Variants in ADGRL2 observed in about 807,000 individuals in gnomAD.
ADGRL2 encodes calcium-independent alpha-latrotoxin receptor 2.
A neutral mutation model predicts 157.4 loss-of-function variants in ADGRL2; 44 were observed. The ratio of observed to expected loss-of-function variants is 0.28; its 90% confidence interval spans 0.22 to 0.36. ADGRL2 has a LOEUF of 0.36. ADGRL2 is among the 10% of genes least tolerant of loss of function. The pLI, the probability that ADGRL2 is intolerant of heterozygous loss-of-function variation, is 1.00. For missense variants in ADGRL2, 1,510 were observed against 1,768.9 expected (o/e 0.85, Z 2.63); for synonymous variants, 585 against 624.7 (o/e 0.94, Z 0.95).
intron 3 of ADGRL2, among the ~76,000 whole-genome samples, chr1:81,582,161 G>T (rs915577907): frequency 6.6e-6 from 1 of 152,008 alleles, no homozygotes; most frequent in South Asian, 2.1e-4. Context: ...TGGAGCTTGC[G>T]GTGAGCCAAG....
In ADGRL2 at chr1:81,969,384, T is replaced by C. The variant is rs376617565; in HGVS notation, c.2730T>C (p.Tyr910=). Residue 910 remains tyrosine, a synonymous_variant, in exon 15 of 24, where the codon TAT becomes TAC. Transcript: ENST00000686636. ...TAATAGGCATTGATAAGACAAAATA[T>C]GCGGTAAGCACCAGTTGAGTTCATT... ...IFLIGIDKTK[Y]AIACPIFAGL... 3.4e-5 allele frequency: 54 copies of C among 1,609,306 alleles called. No individual in the cohort carries two copies. Among genetic ancestry groups the C allele is most frequent in the Non-Finnish European group, 2.7e-5 (32 of 1,175,934 alleles).
chr1:81,987,208 A>G, intron 22 of ADGRL2, 179 bp downstream of exon 22: 1 of 1,352,378 alleles, frequency 7.4e-7, no homozygotes, highest in African/African-American at 1.5e-5. Flanking sequence ...ATATTATAGT[A>G]AAAGCTCAGT....
intron 3 of ADGRL2, among the ~76,000 whole-genome samples, chr1:81,654,056 C>G (rs533310879): frequency 6.6e-6 from 1 of 152,270 alleles, no homozygotes; most frequent in South Asian, 2.1e-4. Context: ...AGCAATTCTC[C>G]TGCCTCAGCC....
chr1:81,532,342 C>T (rs17106647), intron 2 of ADGRL2, among the ~76,000 whole-genome samples: 6,803 of 152,132 alleles, frequency 0.045, 377 homozygotes, highest in East Asian at 0.22. Flanking sequence ...TCCAGTTATC[C>T]TGCTAGGAGG....
At chr1:81,839,763 TTCA>T (rs2092461137) in intron 2 of ADGRL2, among the ~76,000 whole-genome samples, 1 of 148,428 alleles carries the variant, frequency 6.7e-6, no homozygotes, top group Non-Finnish European at 1.5e-5. Flanking sequence ...ATGTATTTTT[TTCA>T]TCATATATAT....
chr1:81,652,094 C>T (rs1355019315), intron 3 of ADGRL2, among the ~76,000 whole-genome samples: 1 of 152,060 alleles, frequency 6.6e-6, no homozygotes, highest in African/African-American at 2.4e-5. Flanking sequence ...ATCTAGACCC[C>T]AGAATCAAGT....
chr1:81,960,927 G>A (rs1335573480), intron 11 of ADGRL2, among the ~76,000 whole-genome samples: 1 of 152,114 alleles, frequency 6.6e-6, no homozygotes, highest in Non-Finnish European at 1.5e-5. Context: ...CTGGACTTCA[G>A]CTCTGCTTCC....
chr1:81,810,772 A>G (rs1249540110), intron 1 of ADGRL2, among the ~76,000 whole-genome samples: 1 of 151,882 alleles, frequency 6.6e-6, no homozygotes, highest in Non-Finnish European at 1.5e-5. Flanking sequence ...ACATCTCTCC[A>G]ATATTAAAGA....
At chr1:81,448,232 C>T (rs185316205) in intron 2 of ADGRL2, among the ~76,000 whole-genome samples, 9 of 145,808 alleles carry the variant, frequency 6.2e-5, no homozygotes, top group Admixed American at 5.7e-4. Context: ...GCAATCTCTG[C>T]CTCCCAGGTT....
intron 3 of ADGRL2, among the ~76,000 whole-genome samples, chr1:81,599,978 G>T (rs983287286): frequency 6.6e-6 from 1 of 152,024 alleles, no homozygotes; most frequent in Non-Finnish European, 1.5e-5. Flanking sequence ...TATTATTTTC[G>T]TTCCTAAGAA....
chr1:81,885,882 A>T (rs1557845081), intron 2 of ADGRL2, among the ~76,000 whole-genome samples: 1 of 152,164 alleles, frequency 6.6e-6, no homozygotes, highest in Non-Finnish European at 1.5e-5. Flanking sequence ...TCTCAAACTG[A>T]TGTTACTCCA....
At chr1:81,540,670 T>A (rs1055078946) in intron 2 of ADGRL2, among the ~76,000 whole-genome samples, 2 of 151,364 alleles carry the variant, frequency 1.3e-5, no homozygotes, top group Non-Finnish European at 1.5e-5. Context: ...GAAAAAAAAA[T>A]AAAAAATAAA....
chr1:81,332,138 G>A (rs935149791), intron 1 of ADGRL2, among the ~76,000 whole-genome samples: 1 of 151,984 alleles, frequency 6.6e-6, no homozygotes. Context: ...CAGATGAAAC[G>A]AGAAGAAAAA....
rs34743709 is a variant in ADGRL2 at position 81,351,603 on chromosome 1, T to TA, written c.-302+45105dup. On this transcript the variant is annotated intron_variant, in intron 1 of 24. Transcript: ENST00000370721. ...AAAAAAATGATTCCAGATTAATTGTTAAAAAAAAAAAGTCCTTGATGTATT... is the reference window on the plus strand; with the variant it reads ...AAAAAAATGATTCCAGATTAATTGTTAAAAAAAAAAAAGTCCTTGATGTATT... Among the ~76,000 whole-genome samples, 413 of 150,052 alleles carry TA rather than the reference T, an allele frequency of 2.8e-3. 1 individual carries two copies. The highest frequency in any genetic ancestry group is 6.3e-3 in the African/African-American group (258 of 40,750).
chr1:81,721,546 A>T, intron 1 of ADGRL2: 1 of 420,340 alleles, frequency 2.4e-6, no homozygotes, highest in Non-Finnish European at 4.3e-6. Context: ...TCTTGAGCCC[A>T]GGAGTTCAGG....
At chr1:81,860,586 A>G (rs539816816) in intron 2 of ADGRL2, among the ~76,000 whole-genome samples, 1 of 152,288 alleles carries the variant, frequency 6.6e-6, no homozygotes, top group East Asian at 1.9e-4. Flanking sequence ...TCATTGGAAA[A>G]ATACCCCATG....
upstream of ADGRL2, among the ~76,000 whole-genome samples, chr1:81,799,277 T>C (rs2087751810): frequency 6.7e-6 from 1 of 149,204 alleles, no homozygotes; most frequent in Middle Eastern, 3.6e-3. Flanking sequence ...AATTATGTTA[T>C]GTAAGAAATT....
chr1:81,765,900 G>A (rs1450826541), intron 2 of ADGRL2, among the ~76,000 whole-genome samples: 1 of 151,980 alleles, frequency 6.6e-6, no homozygotes. Flanking sequence ...TCAATTTTTA[G>A]GTCAGACAAT....
At chr1:81,373,612 T>C (rs948347359) in intron 1 of ADGRL2, among the ~76,000 whole-genome samples, 2 of 152,310 alleles carry the variant, frequency 1.3e-5, no homozygotes, top group East Asian at 1.9e-4. Flanking sequence ...ACAGCCTCAC[T>C]TCTCTTGTAA....
Sources: allele counts gnomAD v4.1 joint callset (sites outside exome capture counted in the v4.1 genomes callset), GRCh38; gene constraint gnomAD v4.1.1; transcripts MANE v1.5; gene names NCBI Gene and HGNC (gene_info 2026-07-23, HGNC 2026-07-21).